Variants in MAP2 observed in about 807,000 individuals in gnomAD.
The protein encoded by MAP2 is microtubule-associated protein 2.
In MAP2, 14 loss-of-function variants were observed where a neutral mutation model predicts 137.6. The observed-to-expected ratio is 0.10, with a 90% confidence interval of 0.07 to 0.16. The LOEUF is 0.16. Ranked by LOEUF, MAP2 falls within the 10% of genes least tolerant of loss-of-function variation. The pLI is 1.00. For missense variants in MAP2, 2,088 were observed against 2,191.5 expected (o/e 0.95, Z 0.94); for synonymous variants, 786 against 782.3 (o/e 1.00, Z -0.08).
intron 4 of MAP2, among the ~76,000 whole-genome samples, chr2:209,650,518 G>GT (rs2094717455): frequency 6.6e-6 from 1 of 152,168 alleles, no homozygotes; most frequent in South Asian, 2.1e-4. Context: ...TATCTGATTA[G>GT]TACTCATCAA....
At chr2:209,473,453 A>C (rs1706316693) in intron 1 of MAP2, among the ~76,000 whole-genome samples, 1 of 152,108 alleles carries the variant, frequency 6.6e-6, no homozygotes, top group Non-Finnish European at 1.5e-5. Flanking sequence ...CTACAGCAGG[A>C]CCTAGGAGGT....
chr2:209,579,152 C>T (rs531871448), intron 2 of MAP2, among the ~76,000 whole-genome samples: 33 of 152,170 alleles, frequency 2.2e-4, no homozygotes, highest in Non-Finnish European at 4.3e-4. Flanking sequence ...GTCCTTAATG[C>T]AGATAATAAA....
chr2:209,515,398 G>A (rs2062340967), intron 2 of MAP2, among the ~76,000 whole-genome samples: 1 of 152,074 alleles, frequency 6.6e-6, no homozygotes. Context: ...AGGAAAAGAG[G>A]TTTAATTGAC....
chr2:209,559,905 A>G (rs1400097867), intron 2 of MAP2, among the ~76,000 whole-genome samples: 1 of 152,102 alleles, frequency 6.6e-6, no homozygotes, highest in Non-Finnish European at 1.5e-5. Flanking sequence ...TGCTTCTAGG[A>G]CAAAATGAAG....
At chr2:209,434,049 T>A (rs1695046797) in intron 1 of MAP2, among the ~76,000 whole-genome samples, 1 of 152,106 alleles carries the variant, frequency 6.6e-6, no homozygotes, top group African/African-American at 2.4e-5. Flanking sequence ...ATGGTCTAAA[T>A]CTCCTGACAA....
At chr2:209,434,753 T>G (rs745541646) in intron 1 of MAP2, among the ~76,000 whole-genome samples, 6 of 149,648 alleles carry the variant, frequency 4.0e-5, no homozygotes, top group Non-Finnish European at 5.9e-5. Flanking sequence ...ACCATAGAGT[T>G]TAAGGCTACA....
intron 2 of MAP2, among the ~76,000 whole-genome samples, chr2:209,531,007 A>G (rs571611573): frequency 6.6e-6 from 1 of 152,190 alleles, no homozygotes; most frequent in Non-Finnish European, 1.5e-5. Context: ...ATGAAATACA[A>G]ATACAAAGTC....
At chr2:209,567,038 A>C (rs143495516) in intron 2 of MAP2, among the ~76,000 whole-genome samples, 176 of 152,324 alleles carry the variant, frequency 1.2e-3, no homozygotes, top group Non-Finnish European at 1.9e-3. Context: ...AAGTATGTAT[A>C]AACTGGACAT....
At chr2:209,459,902 G>A (rs945551856) in intron 1 of MAP2, among the ~76,000 whole-genome samples, 2 of 152,114 alleles carry the variant, frequency 1.3e-5, no homozygotes, top group African/African-American at 2.4e-5. Flanking sequence ...TCAGGCCCAT[G>A]GAGAGTCTCT....
intron 2 of MAP2, among the ~76,000 whole-genome samples, chr2:209,569,915 T>G (rs2153370084): frequency 6.6e-6 from 1 of 151,946 alleles, no homozygotes; most frequent in East Asian, 1.9e-4. Flanking sequence ...TAAGCCCAAA[T>G]TGTCAAACAG....
chr2:209,613,508 T>C (rs1046903650), intron 3 of MAP2, among the ~76,000 whole-genome samples: 6 of 152,134 alleles, frequency 3.9e-5, no homozygotes, highest in Admixed American at 2.0e-4. Flanking sequence ...TGCAAGTCAC[T>C]AGTTGCCGTG....
Position 209,694,270 on chromosome 2 carries a change from G to A in MAP2, c.2100G>A (p.Met700Ile). Residue 700 changes from methionine to isoleucine, a missense_variant, in exon 8 of 16, where the codon ATG becomes ATA. This residue lies in a region of MAP2 where 18 missense variants were observed against 41.6 expected (regional missense o/e 0.43). Coordinates refer to ENST00000682079, the MANE Select transcript of MAP2 (RefSeq NM_001375505.1). ...GGRSAIEQRS[M>I]SINLPMSCLD... ...GGTCTGCAATAGAACAAAGAAGCAT[G>A]TCAATCAATTTGCCGATGTCTTGCC... 6.2e-7 allele frequency: 1 copy of A among 1,614,106 alleles called. No individual in the cohort carries two copies. The highest frequency in any genetic ancestry group is 8.5e-7 in the Non-Finnish European group (1 of 1,180,010).
At chr2:209,491,240 G>T (rs1005001282) in intron 1 of MAP2, among the ~76,000 whole-genome samples, 2 of 152,130 alleles carry the variant, frequency 1.3e-5, no homozygotes, top group Admixed American at 6.5e-5. Flanking sequence ...TAAGTTCTTT[G>T]AAACTAATGA....
intron 1 of MAP2, among the ~76,000 whole-genome samples, chr2:209,459,578 C>T: frequency 6.6e-6 from 1 of 152,194 alleles, no homozygotes; most frequent in African/African-American, 2.4e-5. Flanking sequence ...GTCTAGCTCT[C>T]ATACATGGGT....
intron 2 of MAP2, among the ~76,000 whole-genome samples, chr2:209,547,067 C>G (rs183448387): frequency 1.3e-5 from 2 of 152,128 alleles, no homozygotes; most frequent in East Asian, 3.9e-4. Flanking sequence ...GGAAAAATTG[C>G]TCCAATTATA....
At chr2:209,506,186 TA>T (rs893786118) in intron 1 of MAP2, among the ~76,000 whole-genome samples, 17 of 151,496 alleles carry the variant, frequency 1.1e-4, no homozygotes, top group South Asian at 2.1e-4. Flanking sequence ...CTCAGATACT[TA>T]AAAAAAAATC....
At chr2:209,502,713 C>T (rs1248248268) in intron 1 of MAP2, among the ~76,000 whole-genome samples, 1 of 152,132 alleles carries the variant, frequency 6.6e-6, no homozygotes, top group Admixed American at 6.6e-5. Context: ...CAACAGTATA[C>T]AGTGTTCCCT....
intron 3 of MAP2, among the ~76,000 whole-genome samples, chr2:209,581,073 A>G (rs1036057314): frequency 1.1e-4 from 16 of 152,198 alleles, no homozygotes; most frequent in Non-Finnish European, 2.4e-4. Flanking sequence ...AATAATGTCC[A>G]ACTACTGACA....
At chr2:209,566,073 G>A (rs2073349191) in intron 2 of MAP2, among the ~76,000 whole-genome samples, 1 of 152,156 alleles carries the variant, frequency 6.6e-6, no homozygotes. Flanking sequence ...TGCACCTCCA[G>A]GCCAGAGGCC....
Sources: gnomAD v4.1 joint callset for allele counts (sites outside exome capture counted in the v4.1 genomes callset) on GRCh38, gnomAD v4.1.1 for gene constraint, gnomAD v4.1.1 regional missense constraint, MANE v1.5 for transcripts, NCBI Gene and HGNC (gene_info 2026-07-23, HGNC 2026-07-21) for gene names.